MALRD1: variants seen among roughly 807,000 people sequenced by gnomAD.
The protein encoded by MALRD1 is MAM and LDL-receptor class A domain-containing protein 1.
A neutral mutation model predicts 242.1 loss-of-function variants in MALRD1; 247 were observed. The observed-to-expected ratio is 1.02, with a 90% CI of 0.92 to 1.13. The LOEUF (loss-of-function observed/expected upper bound fraction) is 1.13. MALRD1 is among the 50% of genes most tolerant of loss of function. The probability of loss-of-function intolerance (pLI) is 0.00; values close to 1 mark genes in which losing one functional copy is unlikely to be tolerated. For synonymous variants in MALRD1, 995 were observed against 866.6 expected (o/e 1.15, Z -2.60); for missense variants, 2,989 against 2,533.1 (o/e 1.18, Z -3.86).
At chr10:19,107,064 A>G (rs1836489508) in intron 5 of MALRD1, among the ~76,000 whole-genome samples, 1 of 151,974 alleles carries the variant, frequency 6.6e-6, no homozygotes, top group African/African-American at 2.4e-5. Context: ...TATATCCTGG[A>G]GAAAATTCCA....
At chr10:19,459,924 T>A (rs1589114106) in intron 29 of MALRD1, among the ~76,000 whole-genome samples, 1 of 151,916 alleles carries the variant, frequency 6.6e-6, no homozygotes, top group South Asian at 2.1e-4. Context: ...CCTTGAAATA[T>A]CCCTAGGTTC....
chr10:19,607,679 A>G (rs1261647054), intron 34 of MALRD1, 98 bp from the exon 35 acceptor site: 30 of 1,379,814 alleles, frequency 2.2e-5, no homozygotes, highest in African/African-American at 2.9e-5. Context: ...ATCAAGAGTA[A>G]TATAATAAAC....
At chr10:19,296,003 T>C (rs1841677032) in intron 21 of MALRD1, among the ~76,000 whole-genome samples, 1 of 152,022 alleles carries the variant, frequency 6.6e-6, no homozygotes, top group South Asian at 2.1e-4. Context: ...GTGGAATTAC[T>C]TGGAGGCAGT....
chr10:19,237,532 A>C, intron 18 of MALRD1, among the ~76,000 whole-genome samples: 1 of 135,308 alleles, frequency 7.4e-6, no homozygotes, highest in East Asian at 2.1e-4. Flanking sequence ...ATATATATAT[A>C]TATAATTTTA....
chr10:19,113,553 C>G (rs1418074453), intron 5 of MALRD1, among the ~76,000 whole-genome samples: 1 of 151,736 alleles, frequency 6.6e-6, no homozygotes, highest in African/African-American at 2.4e-5. Flanking sequence ...CATTTCTCCT[C>G]CCTCCTTCCT....
chr10:19,507,026 G>C (rs1195692171), intron 31 of MALRD1, among the ~76,000 whole-genome samples: 1 of 152,036 alleles, frequency 6.6e-6, no homozygotes, highest in Non-Finnish European at 1.5e-5. Context: ...GATGGTGAAG[G>C]GGGAGCAGGC....
intron 36 of MALRD1, among the ~76,000 whole-genome samples, chr10:19,660,141 T>C (rs1021353420): frequency 2.0e-5 from 3 of 152,180 alleles, no homozygotes; most frequent in African/African-American, 7.2e-5. Context: ...TGTTCTCTGC[T>C]AGGCACTGAC....
At chr10:19,277,943 T>A (rs1321795416) in intron 19 of MALRD1, among the ~76,000 whole-genome samples, 3 of 152,058 alleles carry the variant, frequency 2.0e-5, no homozygotes, top group Non-Finnish European at 2.9e-5. Flanking sequence ...CTAACTATTA[T>A]TTTTTTTCCA....
At chr10:19,570,769 T>G (rs1167309977) in intron 33 of MALRD1, among the ~76,000 whole-genome samples, 1 of 152,084 alleles carries the variant, frequency 6.6e-6, no homozygotes, top group South Asian at 2.1e-4. Context: ...CTGAAAGATA[T>G]ACAAAATATA....
chr10:19,337,221 A>T (rs911601210), intron 24 of MALRD1, among the ~76,000 whole-genome samples: 2 of 152,190 alleles, frequency 1.3e-5, no homozygotes, highest in African/African-American at 2.4e-5. Flanking sequence ...TAATAGGTAC[A>T]TACTTACATA....
chr10:19,197,076 C>A (rs540039433), intron 14 of MALRD1, among the ~76,000 whole-genome samples: 4 of 152,006 alleles, frequency 2.6e-5, no homozygotes, highest in African/African-American at 9.7e-5. Flanking sequence ...GAAGGGGAAG[C>A]AAGGCACGTC....
Position 19,136,339 on chromosome 10 carries a change from G to GTT in MALRD1, c.1204-222_1204-221dup, listed in dbSNP as rs60455365. Among the ~76,000 whole-genome samples, 678 of 145,020 alleles carry GTT rather than the reference G, an allele frequency of 4.7e-3. 4 individuals carry two copies. Among genetic ancestry groups the GTT allele is most frequent in the African/African-American group, 0.015 (603 of 39,404 alleles). On this transcript the variant is annotated intron_variant, in intron 9 of 39. Transcript: ENST00000454679. ...TTTAGTGGAGCAAATGTTTCCATCA[G>GTT]TTTTTTTTTTTTTTAATACTTTAAG...
chr10:19,381,885 A>C (rs541866578), intron 26 of MALRD1, among the ~76,000 whole-genome samples: 1 of 151,972 alleles, frequency 6.6e-6, no homozygotes, highest in East Asian at 1.9e-4. Flanking sequence ...TTATAGAACA[A>C]AAAGCAACAT....
At chr10:19,446,948 G>T (rs995593507) in intron 28 of MALRD1, among the ~76,000 whole-genome samples, 1 of 151,910 alleles carries the variant, frequency 6.6e-6, no homozygotes, top group African/African-American at 2.4e-5. Flanking sequence ...TTTAAATCAG[G>T]ATATTAAGTA....
In MALRD1 at chr10:19,352,201, C is replaced by A. The variant is rs1440272330; in HGVS notation, c.4345C>A (p.Arg1449Ser). ...KFEGRVGKGQ[R>S]GDIALDDIVL... ...TGAAGGTAGAGTTGGGAAAGGTCAG[C>A]GTGGAGACATTGCACTTGATGACAT... Residue 1449 changes from arginine (R) to serine (S), a missense_variant, in exon 26 of 40, where the codon CGT becomes AGT. Transcript: ENST00000454679. 6.5e-7 allele frequency: 1 copy of A among 1,550,350 alleles called. No homozygotes were observed. Among genetic ancestry groups the A allele is most frequent in the Non-Finnish European group, 8.7e-7 (1 of 1,146,876 alleles).
At chr10:19,096,929 C>G (rs937646472) in intron 4 of MALRD1, among the ~76,000 whole-genome samples, 3 of 152,142 alleles carry the variant, frequency 2.0e-5, no homozygotes, top group Non-Finnish European at 4.4e-5. Context: ...AGGACTAGGT[C>G]TCTCCTTTAA....
intron 19 of MALRD1, among the ~76,000 whole-genome samples, chr10:19,278,888 G>T (rs1426714236): frequency 2.0e-5 from 3 of 152,136 alleles, no homozygotes; most frequent in African/African-American, 7.2e-5. Flanking sequence ...ATAAGCAAAT[G>T]ATATAATAAG....
chr10:19,576,670 A>G (rs1323798561), intron 33 of MALRD1, among the ~76,000 whole-genome samples: 1 of 152,140 alleles, frequency 6.6e-6, no homozygotes, highest in African/African-American at 2.4e-5. Flanking sequence ...GTCTTTCTCA[A>G]GTCATTACCC....
At chr10:19,325,512 T>G (rs920864645) in intron 22 of MALRD1, among the ~76,000 whole-genome samples, 8 of 152,056 alleles carry the variant, frequency 5.3e-5, no homozygotes, top group Non-Finnish European at 1.0e-4. Flanking sequence ...ATACTGTATA[T>G]GCCCTGGTGG....
Sources: allele counts gnomAD v4.1 joint callset (sites outside exome capture counted in the v4.1 genomes callset), GRCh38; gene constraint gnomAD v4.1.1; transcripts MANE v1.5; gene names NCBI Gene and HGNC (gene_info 2026-07-23, HGNC 2026-07-21).